Variants in SAMMSON observed in about 807,000 individuals in gnomAD.
SAMMSON encodes survival associated mitochondrial melanoma specific oncogenic non-coding RNA, also known as long intergenic non-protein coding RNA 1212.
At chr3:70,340,149 A>T (rs1393899558) in intron 7 of SAMMSON, among the ~76,000 whole-genome samples, 2 of 150,270 alleles carry the variant, frequency 1.3e-5, no homozygotes, top group Non-Finnish European at 3.0e-5. Context: ...CAAACAGAAA[A>T]CCAAACACTG....
chr3:70,019,188 A>C (rs1012430547), intron 3 of SAMMSON, among the ~76,000 whole-genome samples: 1 of 152,164 alleles, frequency 6.6e-6, no homozygotes, highest in Non-Finnish European at 1.5e-5. Context: ...GGGGTGTTAA[A>C]GTCTCCCGTT....
At chr3:70,296,827 GT>G (rs1414173001) in intron 7 of SAMMSON, among the ~76,000 whole-genome samples, 1 of 151,944 alleles carries the variant, frequency 6.6e-6, no homozygotes, top group African/African-American at 2.4e-5. Flanking sequence ...AGCTGGAGTG[GT>G]TTTTTTAAAA....
chr3:70,267,578 A>ATTT (rs377637066), intron 6 of SAMMSON, among the ~76,000 whole-genome samples: 3,481 of 132,718 alleles, frequency 0.026, 114 homozygotes, highest in East Asian at 0.082. Flanking sequence ...AATTTTTTGT[A>ATTT]TTTTTTTTTT....
chr3:70,043,888 A>T (rs986251928), intron 3 of SAMMSON, among the ~76,000 whole-genome samples: 4 of 151,994 alleles, frequency 2.6e-5, no homozygotes, highest in African/African-American at 9.7e-5. Flanking sequence ...TAGATTGGTG[A>T]TGGTGAATAG....
chr3:70,366,759 T>C (rs1419269677), intron 9 of SAMMSON, among the ~76,000 whole-genome samples: 1 of 151,704 alleles, frequency 6.6e-6, no homozygotes, highest in Non-Finnish European at 1.5e-5. Context: ...TGAACTGTTT[T>C]TAAAAGTGAT....
chr3:70,134,372 T>C (rs891404884), intron 4 of SAMMSON, among the ~76,000 whole-genome samples: 7 of 151,876 alleles, frequency 4.6e-5, no homozygotes, highest in Non-Finnish European at 8.8e-5. Flanking sequence ...TTTTTTTTTT[T>C]TAATAAAAAG....
intron 4 of SAMMSON, among the ~76,000 whole-genome samples, chr3:70,151,754 T>G (rs1161611577): frequency 6.6e-6 from 1 of 152,020 alleles, no homozygotes; most frequent in Non-Finnish European, 1.5e-5. Context: ...TTGTTTTTCT[T>G]TTTTTTGCAT....
intron 4 of SAMMSON, among the ~76,000 whole-genome samples, chr3:70,217,226 T>C (rs1426744820): frequency 6.6e-6 from 1 of 152,142 alleles, no homozygotes; most frequent in South Asian, 2.1e-4. Flanking sequence ...ATGCTTAGCA[T>C]TTCTTACATG....
At chr3:70,185,627 C>A (rs1016856456) in intron 4 of SAMMSON, among the ~76,000 whole-genome samples, 7 of 152,164 alleles carry the variant, frequency 4.6e-5, no homozygotes, top group Middle Eastern at 3.4e-3. Context: ...CAAAATATCA[C>A]CCCCAAGATT....
At chr3:70,064,185 G>A (rs1005874196) in intron 3 of SAMMSON, among the ~76,000 whole-genome samples, 1 of 152,114 alleles carries the variant, frequency 6.6e-6, no homozygotes, top group Non-Finnish European at 1.5e-5. Flanking sequence ...GAAGCACAAA[G>A]CTGTATTAAA....
intron 7 of SAMMSON, among the ~76,000 whole-genome samples, chr3:70,350,470 A>G (rs1161507486): frequency 6.6e-6 from 1 of 152,130 alleles, no homozygotes; most frequent in Non-Finnish European, 1.5e-5. Flanking sequence ...TGTATTTAAT[A>G]AATTATACTG....
intron 4 of SAMMSON, chr3:70,125,896 C>G (rs2067456107): frequency 1.4e-6 from 1 of 694,324 alleles, no homozygotes; most frequent in Non-Finnish European, 2.6e-6. Context: ...TAATTCTTCA[C>G]TAGATAATTC....
intron 4 of SAMMSON, among the ~76,000 whole-genome samples, chr3:70,214,254 A>C (rs1701383195): frequency 6.6e-6 from 1 of 152,106 alleles, no homozygotes; most frequent in African/African-American, 2.4e-5. Context: ...TGGTTGGAAG[A>C]CGTCCTTTAA....
chr3:70,351,209 C>G (rs1364227601), intron 7 of SAMMSON, among the ~76,000 whole-genome samples: 1 of 151,744 alleles, frequency 6.6e-6, no homozygotes, highest in African/African-American at 2.4e-5. Flanking sequence ...TAACCATTAC[C>G]CGATTCAAAA....
At chr3:70,245,571 G>A (rs1701698872) in intron 4 of SAMMSON, among the ~76,000 whole-genome samples, 1 of 149,558 alleles carries the variant, frequency 6.7e-6, no homozygotes, top group Admixed American at 6.7e-5. Flanking sequence ...CTAGTAACTG[G>A]GTAATAAAGG....
chr3:70,151,960 A>G (rs1366064931), intron 4 of SAMMSON, among the ~76,000 whole-genome samples: 1 of 152,022 alleles, frequency 6.6e-6, no homozygotes, highest in Non-Finnish European at 1.5e-5. Flanking sequence ...CATATTATTA[A>G]AAAATAGTGT....
intron 6 of SAMMSON, among the ~76,000 whole-genome samples, chr3:70,250,453 AC>A (rs1701752483): frequency 6.7e-6 from 1 of 149,782 alleles, no homozygotes; most frequent in African/African-American, 2.5e-5. Context: ...ACACACACAA[AC>A]ACAAACCTCA....
intron 4 of SAMMSON, among the ~76,000 whole-genome samples, chr3:70,216,524 C>G (rs1701413981): frequency 6.6e-6 from 1 of 152,022 alleles, no homozygotes; most frequent in African/African-American, 2.4e-5. Flanking sequence ...AGTGATGGAG[C>G]TAGAATTTTA....
At chr3:70,426,595 C>T (rs1273052567) in intron 2 of SAMMSON, among the ~76,000 whole-genome samples, 3 of 152,176 alleles carry the variant, frequency 2.0e-5, no homozygotes, top group Non-Finnish European at 4.4e-5. Flanking sequence ...CTTCATTCTT[C>T]TTCCCCTAAA....
Sources: gnomAD v4.1 joint callset for allele counts (sites outside exome capture counted in the v4.1 genomes callset) on GRCh38, gnomAD v4.1.1 for gene constraint, MANE v1.5 for transcripts, NCBI Gene and HGNC (gene_info 2026-07-23, HGNC 2026-07-21) for gene names.